The following WWP2 variants were observed in gnomAD, a reference collection of about 807,000 sequenced individuals.
WWP2 encodes NEDD4-like E3 ubiquitin-protein ligase WWP2.
In WWP2, 57 loss-of-function variants were observed where a neutral mutation model predicts 121.0. That is an observed-to-expected ratio of 0.47 (90% CI 0.38 to 0.59). WWP2 has a LOEUF of 0.59. Among genes scored for constraint, WWP2 ranks in the 20% least tolerant of loss-of-function variants. The probability of loss-of-function intolerance (pLI) is 0.00; values close to 1 mark genes in which losing one functional copy is unlikely to be tolerated. For synonymous variants in WWP2, 449 were observed against 441.3 expected (o/e 1.02, Z -0.22); for missense variants, 962 against 1,158.9 (o/e 0.83, Z 2.47).
At chr16:69,913,944 T>G (rs2058438665) in intron 9 of WWP2, among the ~76,000 whole-genome samples, 1 of 151,570 alleles carries the variant, frequency 6.6e-6, no homozygotes, top group Non-Finnish European at 1.5e-5. Flanking sequence ...TGGTGGTGCT[T>G]GCCTATAATC....
intron 19 of WWP2, chr16:69,936,695 C>T (rs1030140281): frequency 1.8e-6 from 1 of 561,426 alleles, no homozygotes; most frequent in Admixed American, 3.1e-5. Flanking sequence ...AAGCCTGCAG[C>T]GTGGAATTTC....
At chr16:69,913,093 C>T (rs548864896) in intron 9 of WWP2, among the ~76,000 whole-genome samples, 14 of 138,824 alleles carry the variant, frequency 1.0e-4, no homozygotes, top group Non-Finnish European at 2.2e-4. Flanking sequence ...GGCGCAATCT[C>T]GGCTCACTGC....
chr16:69,860,254 C>T (rs1338196271), intron 6 of WWP2, among the ~76,000 whole-genome samples: 1 of 152,104 alleles, frequency 6.6e-6, no homozygotes, highest in Non-Finnish European at 1.5e-5. Flanking sequence ...ATGCAAAGTA[C>T]TGGAGGTTAC....
chr16:69,803,951 C>T (rs979867751), intron 4 of WWP2, among the ~76,000 whole-genome samples: 7 of 151,956 alleles, frequency 4.6e-5, no homozygotes, highest in Non-Finnish European at 1.0e-4. Context: ...AGAGCAGCCT[C>T]CACCCTACTT....
intron 1 of WWP2, among the ~76,000 whole-genome samples, chr16:69,769,539 C>T (rs1263395375): frequency 6.6e-6 from 1 of 152,084 alleles, no homozygotes; most frequent in African/African-American, 2.4e-5. Context: ...ATCTCAAGAT[C>T]GGTGTTCACT....
In WWP2 at chr16:69,935,396, C is replaced by G. The variant is rs62053262; in HGVS notation, c.1843-457C>G. Among the ~76,000 whole-genome samples, 4,276 of 152,318 alleles carry G rather than the reference C, an allele frequency of 0.028. 104 individuals are homozygous for G. Among genetic ancestry groups the G allele is most frequent in the Non-Finnish European group, 0.045 (3,079 of 68,022 alleles). ...ACCGGTAAAACCCTAGACTATTACT[C>G]ACCATTGGCCGCCAGCTCTCGCTGT... On this transcript the variant is annotated intron_variant, in intron 17 of 23. Coordinates refer to ENST00000359154, the MANE Select transcript of WWP2 (RefSeq NM_001270454.2). This position sits in a 1 kb window ranked among gnomAD's most constrained non-coding sequence, Gnocchi z 5.2.
intron 4 of WWP2, among the ~76,000 whole-genome samples, chr16:69,833,771 T>C (rs950094648): frequency 1.3e-5 from 2 of 152,220 alleles, no homozygotes; most frequent in Non-Finnish European, 2.9e-5. Flanking sequence ...TTAGTCCTAA[T>C]TGAATCAGAC....
In WWP2 at chr16:69,787,079, A is replaced by G; in HGVS notation, c.69A>G (p.Lys23=). Residue 23 remains lysine (K), a splice_region_variant and synonymous_variant, in exon 2 of 24, where the codon AAA becomes AAG. Transcript: ENST00000359154. ...LPFEKSQLTL[K]VVSAKPKVHN... ...TTGAGAAGTCTCAGCTCACTTTGAA[A>G]GGTGAGTGGCACTGTATAATGTCTT... 1 of 1,613,342 alleles carries G rather than the reference A, an allele frequency of 6.2e-7. No individual in the cohort carries two copies. Among genetic ancestry groups the G allele is most frequent in the South Asian group, 1.1e-5 (1 of 90,708 alleles).
chr16:69,928,261 G>A (rs2058666375), intron 11 of WWP2, among the ~76,000 whole-genome samples: 1 of 152,166 alleles, frequency 6.6e-6, no homozygotes, highest in South Asian at 2.1e-4. Flanking sequence ...AGAGCCATTA[G>A]CATCATTTGT....
At chr16:69,827,348 C>T (rs965778178) in intron 4 of WWP2, among the ~76,000 whole-genome samples, 6 of 151,962 alleles carry the variant, frequency 3.9e-5, no homozygotes, top group Non-Finnish European at 1.5e-5. Flanking sequence ...GAGCCAAGAT[C>T]GCGCCACTGC....
intron 8 of WWP2, among the ~76,000 whole-genome samples, chr16:69,895,418 A>C (rs902105275): frequency 1.3e-5 from 2 of 152,214 alleles, no homozygotes; most frequent in African/African-American, 4.8e-5. Context: ...TACTCTGTTC[A>C]ATGAGACGAA....
intron 8 of WWP2, 128 bp downstream of exon 8, chr16:69,888,377 G>A: frequency 3.1e-6 from 3 of 954,912 alleles, no homozygotes; most frequent in Non-Finnish European, 4.5e-6. Context: ...GCTGTGCATT[G>A]AAGCAAGGGA....
chr16:69,901,786 T>C (rs1210705264), intron 8 of WWP2, among the ~76,000 whole-genome samples: 16 of 152,100 alleles, frequency 1.1e-4, no homozygotes, highest in Admixed American at 9.8e-4. Context: ...TAAGGGCCAC[T>C]TGAAAAGAAT....
chr16:69,829,572 C>T (rs576619925), intron 4 of WWP2, among the ~76,000 whole-genome samples: 2 of 152,292 alleles, frequency 1.3e-5, no homozygotes, highest in South Asian at 4.1e-4. Flanking sequence ...TTCCTCCCTG[C>T]CCTGCCCTAC....
intron 6 of WWP2, among the ~76,000 whole-genome samples, chr16:69,851,910 G>A (rs1254003413): frequency 6.6e-6 from 1 of 152,136 alleles, no homozygotes; most frequent in Non-Finnish European, 1.5e-5. Context: ...TTAAATCTGG[G>A]GGGTGGAGTT....
At chr16:69,916,364 T>C in intron 9 of WWP2, among the ~76,000 whole-genome samples, 1 of 152,270 alleles carries the variant, frequency 6.6e-6, no homozygotes, top group East Asian at 1.9e-4. Flanking sequence ...CCCCAGCTAA[T>C]TTTTAAAAAA....
At chr16:69,764,380 CAG>C (rs898400426) in intron 1 of WWP2, among the ~76,000 whole-genome samples, 1 of 151,932 alleles carries the variant, frequency 6.6e-6, no homozygotes, top group Non-Finnish European at 1.5e-5. Flanking sequence ...TTTGTAGAGA[CAG>C]GGGTTTTGCT....
intron 2 of WWP2, among the ~76,000 whole-genome samples, chr16:69,788,357 C>G (rs1300966553): frequency 6.6e-6 from 1 of 152,180 alleles, no homozygotes; most frequent in African/African-American, 2.4e-5. Context: ...CTTGTCACTC[C>G]TCTGCTCAAA....
At chr16:69,840,345 CT>C (rs2056955210) in intron 5 of WWP2, 82 bp downstream of exon 5, 28 of 1,575,988 alleles carry the variant, frequency 1.8e-5, no homozygotes, top group Non-Finnish European at 2.4e-5. Flanking sequence ...GAGCTTGGTT[CT>C]TACTAGGCCA....
Sources: allele counts gnomAD v4.1 joint callset (sites outside exome capture counted in the v4.1 genomes callset), GRCh38; gene constraint gnomAD v4.1.1; non-coding constraint Gnocchi (gnomAD v3.1); transcripts MANE v1.5; gene names NCBI Gene and HGNC (gene_info 2026-07-23, HGNC 2026-07-21).